Variants in N4BP1 observed in about 807,000 individuals in gnomAD.
N4BP1 encodes NEDD4-binding protein 1.
A neutral mutation model predicts 70.9 loss-of-function variants in N4BP1; 21 were observed. That is an observed-to-expected ratio of 0.30 (90% CI 0.21 to 0.43). N4BP1 has a LOEUF of 0.43. Ranked by LOEUF, N4BP1 falls within the 20% of genes least tolerant of loss-of-function variation. The pLI is 1.00. For synonymous variants in N4BP1, 387 were observed against 394.6 expected (o/e 0.98, Z 0.23); for missense variants, 936 against 1,069.4 (o/e 0.88, Z 1.74).
intron 1 of N4BP1, chr16:48,600,746 GAA>G (rs1486555864): frequency 3.1e-6 from 1 of 320,292 alleles, no homozygotes; most frequent in Non-Finnish European, 6.0e-6. Flanking sequence ...TCACTTAAAT[GAA>G]AAGTGATTAA....
At chr16:48,573,726 C>T (rs1346145789) in intron 1 of N4BP1, among the ~76,000 whole-genome samples, 1 of 152,148 alleles carries the variant, frequency 6.6e-6, no homozygotes, top group African/African-American at 2.4e-5. Flanking sequence ...TCAAAATTAA[C>T]TACAAATAGC....
At chr16:48,552,392 G>C (rs980365649) in intron 3 of N4BP1, among the ~76,000 whole-genome samples, 1 of 151,942 alleles carries the variant, frequency 6.6e-6, no homozygotes, top group East Asian at 1.9e-4. Context: ...GCAATGCAGA[G>C]CACATAAGCA....
chr16:48,555,819 G>C (rs985032423), intron 2 of N4BP1, among the ~76,000 whole-genome samples: 6 of 152,170 alleles, frequency 3.9e-5, no homozygotes, highest in African/African-American at 1.4e-4. Context: ...GAAAAACCAA[G>C]AAATATGTAT....
intron 1 of N4BP1, among the ~76,000 whole-genome samples, chr16:48,582,348 C>A (rs1964185115): frequency 6.6e-6 from 1 of 152,178 alleles, no homozygotes; most frequent in African/African-American, 2.4e-5. Context: ...GGAATCATTC[C>A]TCTGTCTGGT....
chr16:48,602,997 C>T (rs1039453990), intron 1 of N4BP1, among the ~76,000 whole-genome samples: 6 of 151,794 alleles, frequency 4.0e-5, no homozygotes, highest in South Asian at 2.1e-4. Context: ...CACACACGCA[C>T]GCACACGCAT....
At chr16:48,552,215 G>A (rs1305853908) in intron 3 of N4BP1, among the ~76,000 whole-genome samples, 1 of 152,146 alleles carries the variant, frequency 6.6e-6, no homozygotes, top group African/African-American at 2.4e-5. Context: ...TCTCAAAGGT[G>A]TCCATACAAA....
chr16:48,584,610 C>CAAA (rs3884288), intron 1 of N4BP1, among the ~76,000 whole-genome samples: 191 of 149,788 alleles, frequency 1.3e-3, no homozygotes, highest in African/African-American at 2.4e-3. Flanking sequence ...CTTTTAAGGA[C>CAAA]AAAAAAAAAC....
At chr16:48,580,990 C>G (rs1005132479) in intron 1 of N4BP1, among the ~76,000 whole-genome samples, 3 of 152,016 alleles carry the variant, frequency 2.0e-5, no homozygotes, top group Non-Finnish European at 4.4e-5. Context: ...TTTTCATATC[C>G]GTGAGAGATC....
chr16:48,543,385 A>AG, intron 6 of N4BP1, 124 bp from the exon 7 acceptor site: 1 of 774,848 alleles, frequency 1.3e-6, no homozygotes, highest in Non-Finnish European at 1.9e-6. Context: ...TTCCAAAGGC[A>AG]GGATGCAAGA....
chr16:48,562,285 T>C lies in N4BP1; in HGVS notation c.358A>G (p.Ile120Val). ...ACCACAGCCTCAGCACTTCCTCTGATGCCAAGAAGGCCAATGTCCAGAATG... is the reference window on the plus strand; with the variant it reads ...ACCACAGCCTCAGCACTTCCTCTGACGCCAAGAAGGCCAATGTCCAGAATG... ...LCILDIGLLG[I>V]RGSAEAVVMA... Residue 120 changes from isoleucine (I) to valine (V), a missense_variant, in exon 2 of 7, where the codon ATC becomes GTC. Ile to Val is a conservative substitution (Grantham distance 29, BLOSUM62 3). Around this residue, in one of 4 missense-constraint regions of N4BP1, gnomAD observed 187 missense variants for 217.1 expected, o/e 0.86. Transcript: ENST00000262384. 1 of 1,613,970 alleles carries C rather than the reference T, an allele frequency of 6.2e-7. No homozygotes were observed. Among genetic ancestry groups the C allele is most frequent in the Non-Finnish European group, 8.5e-7 (1 of 1,179,870 alleles).
chr16:48,579,973 TA>T (rs2151095379), intron 1 of N4BP1, among the ~76,000 whole-genome samples: 1 of 152,112 alleles, frequency 6.6e-6, no homozygotes, highest in African/African-American at 2.4e-5. Context: ...CAAATATTAA[TA>T]GATTTGAAGG....
Position 48,540,954 on chromosome 16 carries a change from T to C in N4BP1, c.*1950A>G, listed in dbSNP as rs1323864340. 2 of 152,196 alleles carry C rather than the reference T, an allele frequency of 1.3e-5. No homozygotes were observed. Among genetic ancestry groups the C allele is most frequent in the Admixed American group, 6.5e-5 (1 of 15,270 alleles). 9.4% of individuals were successfully genotyped at this position (152,196 alleles called of 1,614,324 possible). A position where few individuals can be genotyped will look rare whatever the true frequency, so the allele number is the denominator to read the frequency against. ...ACCAATGAGCAATCCTTCCTTCCCA[T>C]AGCCGAGAAAGGGAAAGGGGACAGG... is the stretch of plus-strand genomic sequence containing the variant. On this transcript the variant is annotated 3_prime_UTR_variant, in exon 7 of 7. Transcript: ENST00000262384.
chr16:48,609,496 C>T (rs1250026406), intron 1 of N4BP1, among the ~76,000 whole-genome samples: 1 of 152,232 alleles, frequency 6.6e-6, no homozygotes, highest in Non-Finnish European at 1.5e-5. Flanking sequence ...GCTGTGCCTG[C>T]GCTTCATACA....
At chr16:48,556,489 T>C (rs1963756950) in intron 2 of N4BP1, among the ~76,000 whole-genome samples, 1 of 152,176 alleles carries the variant, frequency 6.6e-6, no homozygotes, top group African/African-American at 2.4e-5. Context: ...CCTTGCTACT[T>C]ATGGGAAGGC....
intron 1 of N4BP1, among the ~76,000 whole-genome samples, chr16:48,589,361 T>C (rs1422565364): frequency 6.6e-6 from 1 of 152,116 alleles, no homozygotes; most frequent in East Asian, 1.9e-4. Flanking sequence ...GGCTGAAGGT[T>C]AGTTTGATCA....
At chr16:48,558,478 C>T (rs1050405260) in intron 2 of N4BP1, among the ~76,000 whole-genome samples, 2 of 152,016 alleles carry the variant, frequency 1.3e-5, no homozygotes, top group African/African-American at 4.8e-5. Context: ...ACTAGATTTG[C>T]AAAACATCCT....
chr16:48,600,729 C>T (rs1167483117), intron 1 of N4BP1: 1 of 334,170 alleles, frequency 3.0e-6, no homozygotes, highest in Non-Finnish European at 5.8e-6. Flanking sequence ...TTATTTTTTA[C>T]ATAAGGTCAC....
intron 1 of N4BP1, among the ~76,000 whole-genome samples, chr16:48,593,823 A>G (rs1964371474): frequency 6.6e-6 from 1 of 152,114 alleles, no homozygotes. Flanking sequence ...TAGCCTGACC[A>G]ATATGGTGAA....
At chr16:48,565,854 G>T (rs1422381317) in intron 1 of N4BP1, among the ~76,000 whole-genome samples, 1 of 152,190 alleles carries the variant, frequency 6.6e-6, no homozygotes, top group African/African-American at 2.4e-5. Context: ...AGTGAGTCAT[G>T]GCAGTTTGTG....
Sources: gnomAD v4.1 joint callset for allele counts (sites outside exome capture counted in the v4.1 genomes callset) on GRCh38, gnomAD v4.1.1 for gene constraint, gnomAD v4.1.1 regional missense constraint, MANE v1.5 for transcripts, NCBI Gene and HGNC (gene_info 2026-07-23, HGNC 2026-07-21) for gene names.